ESRRG: variants seen among roughly 807,000 people sequenced by gnomAD.
ESRRG encodes estrogen-related receptor gamma.
In ESRRG, 13 loss-of-function variants were observed where a neutral mutation model predicts 44.0. The ratio of observed to expected loss-of-function variants is 0.30; its 90% CI spans 0.19 to 0.47. The LOEUF is 0.47. Among genes scored for constraint, ESRRG ranks in the 20% least tolerant of loss-of-function variants. The pLI is 1.00. For synonymous variants in ESRRG, 215 were observed against 214.6 expected, an observed-to-expected ratio of 1.00 and a Z score of -0.02; for missense variants, 395 against 580.6, an observed-to-expected ratio of 0.68 and a Z score of 3.29.
At chr1:216,737,485 C>T (rs552659923) in intron 2 of ESRRG, among the ~76,000 whole-genome samples, 2 of 152,258 alleles carry the variant, frequency 1.3e-5, no homozygotes, top group East Asian at 1.9e-4. Flanking sequence ...TCACCCCAGC[C>T]AATTAATTTA....
intron 3 of ESRRG, among the ~76,000 whole-genome samples, chr1:216,585,615 G>C (rs2063612288): frequency 6.6e-6 from 1 of 151,950 alleles, no homozygotes; most frequent in South Asian, 2.1e-4. Context: ...AGATGTTTGT[G>C]GACAGTTGTG....
chr1:216,713,275 G>A (rs1467017069), intron 1 of ESRRG, among the ~76,000 whole-genome samples: 1 of 151,386 alleles, frequency 6.6e-6, no homozygotes, highest in Non-Finnish European at 1.5e-5. Context: ...TCAAAGGGAG[G>A]TGCTTTAAGA....
chr1:216,634,187 G>A (rs1423586008), intron 3 of ESRRG, among the ~76,000 whole-genome samples: 2 of 152,152 alleles, frequency 1.3e-5, no homozygotes, highest in Non-Finnish European at 2.9e-5. Context: ...ACAGGGATAA[G>A]CTTCCAAATG....
intron 2 of ESRRG, among the ~76,000 whole-genome samples, chr1:216,836,938 G>A (rs554844678): frequency 2.0e-5 from 3 of 152,106 alleles, no homozygotes; most frequent in South Asian, 2.1e-4. Flanking sequence ...ACATACATGT[G>A]TACAAACAAA....
intron 2 of ESRRG, among the ~76,000 whole-genome samples, chr1:216,760,401 TATA>T (rs2092706250): frequency 6.6e-6 from 1 of 151,882 alleles, no homozygotes; most frequent in South Asian, 2.1e-4. Context: ...TACGACTATA[TATA>T]ATAACTGATA....
chr1:217,075,989 C>T (rs1273774041), intron 1 of ESRRG, among the ~76,000 whole-genome samples: 1 of 152,102 alleles, frequency 6.6e-6, no homozygotes, highest in East Asian at 1.9e-4. Flanking sequence ...TTCAGTATGA[C>T]ACCTGTATAT....
chr1:216,715,222 T>C (rs1031436580), intron 1 of ESRRG: 3 of 985,296 alleles, frequency 3.0e-6, no homozygotes, highest in Non-Finnish European at 3.6e-6. Context: ...TATGATCCCA[T>C]GACTGATGAG....
intron 2 of ESRRG, among the ~76,000 whole-genome samples, chr1:216,737,524 C>A (rs2152194803): frequency 6.6e-6 from 1 of 152,294 alleles, no homozygotes; most frequent in South Asian, 2.1e-4. Flanking sequence ...GTTTTGAAGG[C>A]TCCCAGGTGA....
At chr1:216,548,325 A>G (rs921930916) in intron 5 of ESRRG, among the ~76,000 whole-genome samples, 4 of 152,058 alleles carry the variant, frequency 2.6e-5, no homozygotes, top group African/African-American at 7.2e-5. Flanking sequence ...AAGTGACTGC[A>G]TGTTCTCATT....
chr1:216,546,056 A>G (rs142322008), intron 5 of ESRRG, among the ~76,000 whole-genome samples: 80 of 152,198 alleles, frequency 5.3e-4, no homozygotes, highest in African/African-American at 1.6e-3. Context: ...ATGGTTTAAG[A>G]CAGATTTCTC....
rs146038418 is a variant in ESRRG at position 217,123,042 on chromosome 1, G to A, written c.-230+14625C>T. Among the ~76,000 whole-genome samples the A allele has an allele frequency of 1.6e-3, 238 of 152,006 alleles. 2 individuals are homozygous for A. The highest frequency in any genetic ancestry group is 6.8e-3 in the Middle Eastern group (2 of 294). ...AGCCCAGAAGTGACATATATATTTC[G>A]TTGTTGAGAGCAACTATTTGATCCC... On this transcript the variant is annotated intron_variant, in intron 1 of 8. Transcript: ENST00000366940.
At chr1:217,032,775 A>C (rs2082262217) in intron 1 of ESRRG, among the ~76,000 whole-genome samples, 1 of 152,242 alleles carries the variant, frequency 6.6e-6, no homozygotes, top group South Asian at 2.1e-4. Flanking sequence ...AAATGCTATG[A>C]AAATATTCTC....
At chr1:216,898,357 C>T (rs1275711099) in intron 2 of ESRRG, among the ~76,000 whole-genome samples, 1 of 152,156 alleles carries the variant, frequency 6.6e-6, no homozygotes, top group Non-Finnish European at 1.5e-5. Context: ...GTGGCTCACG[C>T]CTGTAATCCC....
chr1:216,506,473 A>G lies in ESRRG; in HGVS notation c.*466T>C, dbSNP rs150035363. Reference sequence around the variant, plus strand: ...GGAAAGGAAAGGAAAGGGAAAAGGAAAGGGAAAAAGGAAAGAAAGGGAAAG... The same window carrying G: ...GGAAAGGAAAGGAAAGGGAAAAGGAGAGGGAAAAAGGAAAGAAAGGGAAAG... On this transcript the variant is annotated 3_prime_UTR_variant, in exon 7 of 7. Coordinates refer to ENST00000408911, the MANE Select transcript of ESRRG (RefSeq NM_001438.4). 2.9e-6 allele frequency: 1 copy of G among 347,670 alleles called. No individual in the cohort carries two copies. The highest frequency in any genetic ancestry group is 5.6e-6 in the Non-Finnish European group (1 of 179,104). 21.5% of individuals were successfully genotyped at this position (347,670 alleles called of 1,614,324 possible).
chr1:216,723,311 A>C lies in ESRRG; in HGVS notation c.-12T>G. The stretch of plus-strand genomic sequence containing the variant: ...TCTACCGAATCCATGTGCGACCGGC[A>C]ACCATTATTTGTGCACCCCAGCTAT... On this transcript the variant is annotated 5_prime_UTR_variant, in exon 1 of 7. Transcript: ENST00000408911. 1 of 1,614,016 alleles carries C rather than the reference A, an allele frequency of 6.2e-7. No individual in the cohort carries two copies. Among genetic ancestry groups the C allele is most frequent in the East Asian group, 2.2e-5 (1 of 44,876 alleles).
At chr1:216,908,306 T>C (rs1029195268) in intron 2 of ESRRG, among the ~76,000 whole-genome samples, 3 of 152,166 alleles carry the variant, frequency 2.0e-5, no homozygotes, top group African/African-American at 4.8e-5. Flanking sequence ...GACTTTGCCA[T>C]GGGAGTGTTA....
chr1:216,953,155 AG>A (rs2067266905), intron 1 of ESRRG, among the ~76,000 whole-genome samples: 1 of 152,150 alleles, frequency 6.6e-6, no homozygotes, highest in Admixed American at 6.6e-5. Flanking sequence ...CCATGCAGAA[AG>A]GTATTCAGCA....
intron 2 of ESRRG, among the ~76,000 whole-genome samples, chr1:216,845,529 T>C (rs547166879): frequency 7.2e-5 from 11 of 152,098 alleles, no homozygotes; most frequent in East Asian, 1.9e-4. Flanking sequence ...CTGGACAAAA[T>C]TGGAAAACAG....
chr1:216,920,169 T>G (rs1293605825), intron 2 of ESRRG, among the ~76,000 whole-genome samples: 2 of 152,202 alleles, frequency 1.3e-5, no homozygotes, highest in Non-Finnish European at 2.9e-5. Context: ...GTGCTCGCAC[T>G]ACAAAAAGTG....
Sources: allele counts gnomAD v4.1 joint callset (sites outside exome capture counted in the v4.1 genomes callset), GRCh38; gene constraint gnomAD v4.1.1; transcripts MANE v1.5; gene names NCBI Gene and HGNC (gene_info 2026-07-23, HGNC 2026-07-21).